TNNI3K: variants seen among roughly 807,000 people sequenced by gnomAD.
The protein encoded by TNNI3K is serine/threonine-protein kinase TNNI3K.
Under a neutral mutation model 114.5 loss-of-function variants are expected in TNNI3K, and 140 were observed. The observed-to-expected ratio is 1.22, with a 90% CI of 1.07 to 1.41. The LOEUF (loss-of-function observed/expected upper bound fraction) is 1.41. Among genes scored for constraint, TNNI3K ranks in the 40% most tolerant of loss-of-function variants. TNNI3K has a pLI of 0.00. For synonymous variants in TNNI3K, 347 were observed against 347.5 expected (o/e 1.00, Z 0.02); for missense variants, 1,125 against 1,007.6 (o/e 1.12, Z -1.58).
At chr1:74,496,490 C>A (rs984988432) in intron 23 of TNNI3K, among the ~76,000 whole-genome samples, 1 of 152,128 alleles carries the variant, frequency 6.6e-6, no homozygotes, top group East Asian at 1.9e-4. Flanking sequence ...CACCTCAACA[C>A]TGTCTTGAGA....
At chr1:74,443,598 C>T (rs1010395023) in intron 20 of TNNI3K, among the ~76,000 whole-genome samples, 1 of 152,120 alleles carries the variant, frequency 6.6e-6, no homozygotes, top group African/African-American at 2.4e-5. Context: ...GAGCTGGTAC[C>T]ATTTTTTCTG....
At chr1:74,349,686 T>G (rs1305259846) in intron 9 of TNNI3K, among the ~76,000 whole-genome samples, 2 of 152,222 alleles carry the variant, frequency 1.3e-5, no homozygotes, top group Non-Finnish European at 2.9e-5. Context: ...AACTTCTTCC[T>G]GGTTTAGTCT....
chr1:74,408,763 G>A (rs1462079945), intron 17 of TNNI3K, among the ~76,000 whole-genome samples: 1 of 152,112 alleles, frequency 6.6e-6, no homozygotes, highest in Non-Finnish European at 1.5e-5. Context: ...AAATCCAAAT[G>A]CAACATGGTA....
intron 23 of TNNI3K, among the ~76,000 whole-genome samples, chr1:74,531,680 T>G (rs1441070832): frequency 6.6e-6 from 1 of 152,218 alleles, no homozygotes; most frequent in South Asian, 2.1e-4. Flanking sequence ...CTCCACCTTT[T>G]CTTTGTATTA....
intron 17 of TNNI3K, chr1:74,401,842 T>A (rs1308387959): frequency 6.6e-6 from 3 of 453,300 alleles, no homozygotes; most frequent in Non-Finnish European, 1.3e-5. Flanking sequence ...AGCAAAGGTC[T>A]GCCATTACCT....
At position 74,245,631 on chromosome 1, in the gene TNNI3K, A is replaced by T. The variant is rs1018722763; in HGVS notation, c.150-3828A>T. 3.3e-5 allele frequency among the ~76,000 whole-genome samples: 5 copies of T among 152,322 alleles called. No homozygotes were observed. The South Asian group carries it at 8.3e-4, about 25-fold the overall frequency. On this transcript the variant is annotated intron_variant, in intron 2 of 24. Transcript: ENST00000326637. Reference sequence around the variant, plus strand: ...TTGAAAGGTACTATAAATTCAGAACATTATCATCAAGGCATCCAGTTAAGA... The same window carrying T: ...TTGAAAGGTACTATAAATTCAGAACTTTATCATCAAGGCATCCAGTTAAGA...
chr1:74,329,275 T>C (rs909773495), intron 5 of TNNI3K, among the ~76,000 whole-genome samples: 26 of 152,056 alleles, frequency 1.7e-4, no homozygotes, highest in African/African-American at 6.0e-4. Flanking sequence ...TAGACTTTGA[T>C]TACCACTGAT....
chr1:74,249,355 C>T (rs1654784538), intron 2 of TNNI3K, 104 bp from the exon 3 acceptor site: 6 of 1,148,320 alleles, frequency 5.2e-6, no homozygotes, highest in East Asian at 2.6e-5. Context: ...AGAAAAAATA[C>T]ATTTCTGAAT....
chr1:74,370,076 C>A (rs1006623196), intron 16 of TNNI3K, among the ~76,000 whole-genome samples: 3 of 151,704 alleles, frequency 2.0e-5, no homozygotes, highest in Admixed American at 1.3e-4. Flanking sequence ...AGTATAATAT[C>A]TTAAACAAGA....
At chr1:74,299,095 G>A (rs953171160) in intron 5 of TNNI3K, among the ~76,000 whole-genome samples, 1 of 152,028 alleles carries the variant, frequency 6.6e-6, no homozygotes, top group African/African-American at 2.4e-5. Context: ...ACAGAGTGAG[G>A]TTTTGTTCTT....
chr1:74,510,912 A>G (rs1410952765), intron 23 of TNNI3K, among the ~76,000 whole-genome samples: 1 of 152,214 alleles, frequency 6.6e-6, no homozygotes, highest in East Asian at 1.9e-4. Context: ...TTTGAGACGA[A>G]GTCTCACTCT....
chr1:74,401,173 G>T (rs559204340), intron 17 of TNNI3K, among the ~76,000 whole-genome samples: 1 of 152,260 alleles, frequency 6.6e-6, no homozygotes, highest in African/African-American at 2.4e-5. Flanking sequence ...TAGAAACATA[G>T]ATATCTTCCT....
chr1:74,436,654 CT>C (rs1666144668), intron 19 of TNNI3K, 128 bp downstream of exon 19: 1 of 901,638 alleles, frequency 1.1e-6, no homozygotes, highest in Non-Finnish European at 1.6e-6. Flanking sequence ...GGGATAATGG[CT>C]TATGTCTTTA....
chr1:74,444,287 G>A (rs1666527474), intron 20 of TNNI3K, among the ~76,000 whole-genome samples: 1 of 151,672 alleles, frequency 6.6e-6, no homozygotes, highest in South Asian at 2.1e-4. Context: ...AAAACCTATT[G>A]TCTCAGTCCT....
chr1:74,513,496 C>T (rs934276474), intron 23 of TNNI3K, among the ~76,000 whole-genome samples: 1 of 152,244 alleles, frequency 6.6e-6, no homozygotes, highest in African/African-American at 2.4e-5. Flanking sequence ...TTTGCATTCT[C>T]ACTGCAAGAG....
At chr1:74,393,820 C>T (rs992262364) in intron 17 of TNNI3K, among the ~76,000 whole-genome samples, 3 of 152,082 alleles carry the variant, frequency 2.0e-5, no homozygotes, top group Admixed American at 6.5e-5. Flanking sequence ...TAGAGATTTG[C>T]TCATAAGGAT....
intron 17 of TNNI3K, among the ~76,000 whole-genome samples, chr1:74,393,712 G>A (rs938213658): frequency 6.6e-6 from 1 of 152,150 alleles, no homozygotes; most frequent in African/African-American, 2.4e-5. Flanking sequence ...TTTTTCCACA[G>A]AAGGTGGGGA....
chr1:74,449,261 G>T (rs1383711370), intron 20 of TNNI3K, among the ~76,000 whole-genome samples: 1 of 151,856 alleles, frequency 6.6e-6, no homozygotes, highest in Admixed American at 6.6e-5. Flanking sequence ...AGAGGTGTTT[G>T]TAGTATTCTC....
At chr1:74,290,962 C>T (rs536299355) in intron 5 of TNNI3K, among the ~76,000 whole-genome samples, 132 of 151,760 alleles carry the variant, frequency 8.7e-4, no homozygotes, top group African/African-American at 3.1e-3. Flanking sequence ...AAGTGTGCAC[C>T]ATGTTCTTTT....
Sources: gnomAD v4.1 joint callset for allele counts (sites outside exome capture counted in the v4.1 genomes callset) on GRCh38, gnomAD v4.1.1 for gene constraint, MANE v1.5 for transcripts, NCBI Gene and HGNC (gene_info 2026-07-23, HGNC 2026-07-21) for gene names.